The following UHMK1 variants were observed in gnomAD, a reference collection of about 807,000 sequenced individuals.
The protein encoded by UHMK1 is U2AF homology motif kinase 1.
In UHMK1, 18 loss-of-function variants were observed where a neutral mutation model predicts 44.0. The observed-to-expected ratio is 0.41, with a 90% CI of 0.28 to 0.61. UHMK1 has a LOEUF of 0.61. Among genes scored for constraint, UHMK1 ranks in the 20% least tolerant of loss-of-function variants. UHMK1 has a pLI of 0.31. For missense variants in UHMK1, 463 were observed against 522.5 expected (o/e 0.89, Z 1.11); for synonymous variants, 231 against 198.5 (o/e 1.16, Z -1.38).
intron 4 of UHMK1, among the ~76,000 whole-genome samples, chr1:162,506,036 A>G (rs1047694008): frequency 2.6e-5 from 4 of 152,134 alleles, no homozygotes; most frequent in African/African-American, 9.7e-5. Flanking sequence ...ACGCATACTT[A>G]CTTGTGTGTG....
At chr1:162,512,987 T>C in intron 6 of UHMK1, 164 bp downstream of exon 6, 1 of 703,644 alleles carries the variant, frequency 1.4e-6, no homozygotes, top group East Asian at 3.4e-5. Context: ...AGTTTCACTC[T>C]TGTTGCCCAG....
At chr1:162,500,271 T>C (rs770483700) in intron 2 of UHMK1, 24 bp downstream of exon 2, 18 of 1,594,194 alleles carry the variant, frequency 1.1e-5, no homozygotes, top group Non-Finnish European at 1.5e-5. Flanking sequence ...TTTTCTTTTC[T>C]CTCGCAGTTT....
intron 6 of UHMK1, among the ~76,000 whole-genome samples, chr1:162,515,250 A>G (rs569211368): frequency 2.6e-5 from 4 of 152,048 alleles, no homozygotes; most frequent in South Asian, 2.1e-4. Context: ...CTTTATATAT[A>G]TTATTTGAGA....
At chr1:162,519,242 G>C (rs1651956397) in intron 7 of UHMK1, among the ~76,000 whole-genome samples, 1 of 151,700 alleles carries the variant, frequency 6.6e-6, no homozygotes, top group Admixed American at 6.6e-5. Context: ...GCTTGAACTT[G>C]GGAGGCTGAG....
chr1:162,528,619 AC>A lies in UHMK1; in HGVS notation c.*6070del, dbSNP rs1652331765. 1 of 152,092 alleles carries A rather than the reference AC, an allele frequency of 6.6e-6. No homozygotes were observed. Among genetic ancestry groups the A allele is most frequent in the Non-Finnish European group, 1.5e-5 (1 of 67,960 alleles). The allele number at this position is 152,092 out of a possible 1,614,324, so 9.4% of individuals were successfully genotyped here. ...GGTACAGTGGGTGGCATTAGTATGC[AC>A]TAGCTGCAAAGTCACAGCACCTTAT... On this transcript the variant is annotated 3_prime_UTR_variant, in exon 8 of 8. Transcript: ENST00000489294.
At chr1:162,517,984 TA>T in intron 6 of UHMK1, 117 bp from the exon 7 acceptor site, 1 of 639,752 alleles carries the variant, frequency 1.6e-6, no homozygotes, top group Middle Eastern at 4.1e-4. Context: ...ATTCAAGACA[TA>T]AAATGACCTC....
chr1:162,516,045 A>AG (rs1651825959), intron 6 of UHMK1, among the ~76,000 whole-genome samples: 1 of 151,842 alleles, frequency 6.6e-6, no homozygotes, highest in Admixed American at 6.6e-5. Flanking sequence ...AAAAAAAAAA[A>AG]CAACAAAACT....
At position 162,524,521 on chromosome 1, in the gene UHMK1, A is replaced by G. The variant is rs1228247927; in HGVS notation, c.*1971A>G. The G allele has an allele frequency of 6.6e-6, 1 of 152,216 alleles. No individual in the cohort carries two copies. The highest frequency in any genetic ancestry group is 1.5e-5 in the Non-Finnish European group (1 of 68,040). The allele number at this position is 152,216 out of a possible 1,614,324, so 9.4% of individuals were successfully genotyped here. ...AACTTTCCTAAATGTTCATATGGGT[A>G]GCAGATTTTGTGGTGATTAGAAACA... On this transcript the variant is annotated 3_prime_UTR_variant, in exon 8 of 8. Coordinates refer to ENST00000489294, the MANE Select transcript of UHMK1 (RefSeq NM_175866.5).
intron 6 of UHMK1, among the ~76,000 whole-genome samples, chr1:162,514,664 C>G (rs1012347190): frequency 6.6e-6 from 1 of 152,124 alleles, no homozygotes; most frequent in Admixed American, 6.5e-5. Flanking sequence ...AATGCAGTGA[C>G]TAAGTGGATA....
Position 162,499,575 on chromosome 1 carries a change from CT to C in UHMK1, c.269-371del, listed in dbSNP as rs907341326. Among the ~76,000 whole-genome samples, 44 of 151,368 alleles carry C rather than the reference CT, an allele frequency of 2.9e-4. 1 individual carries two copies. The Middle Eastern group carries it at 0.014, about 47-fold the overall frequency. ...TTTGGGTTTTTACTTTTAAAAATTT[CT>C]TTTTTTTTAAAGGACCTCATGATGC... On this transcript the variant is annotated intron_variant, in intron 1 of 7. Coordinates refer to ENST00000489294, the MANE Select transcript of UHMK1 (RefSeq NM_175866.5).
At chr1:162,502,707 G>A (rs1291452819) in intron 3 of UHMK1, among the ~76,000 whole-genome samples, 1 of 152,138 alleles carries the variant, frequency 6.6e-6, no homozygotes, top group South Asian at 2.1e-4. Flanking sequence ...TTCTATGGAG[G>A]CAAAATTGCC....
Position 162,523,493 on chromosome 1 carries a change from C to T in UHMK1, c.*943C>T, listed in dbSNP as rs1157724482. 1 of 152,584 alleles carries T rather than the reference C, an allele frequency of 6.6e-6. No individual in the cohort carries two copies. Among genetic ancestry groups the T allele is most frequent in the Non-Finnish European group, 1.5e-5 (1 of 68,042 alleles). 9.5% of individuals were successfully genotyped at this position (152,584 alleles called of 1,614,324 possible). On this transcript the variant is annotated 3_prime_UTR_variant, in exon 8 of 8. Coordinates refer to ENST00000489294, the MANE Select transcript of UHMK1 (RefSeq NM_175866.5). ...AGTTGTGCCAGATGTAAATCAACCC[C>T]TCTTTTAGTTTACTTTAGACTTTGT...
chr1:162,500,811 G>A, intron 2 of UHMK1, 102 bp from the exon 3 acceptor site: 1 of 1,143,548 alleles, frequency 8.7e-7, no homozygotes, highest in East Asian at 2.6e-5. Flanking sequence ...ATTTAGCTTG[G>A]CAGTGGGTTT....
In UHMK1 at chr1:162,527,702, G is replaced by A. The variant is rs1652298683; in HGVS notation, c.*5152G>A. The A allele has an allele frequency of 6.6e-6, 1 of 152,040 alleles. No homozygotes were observed. The highest frequency in any genetic ancestry group is 6.6e-5 in the Admixed American group (1 of 15,258). The allele number at this position is 152,040 out of a possible 1,614,324, so 9.4% of individuals were successfully genotyped here. ...GTGTTATTTCCCATTAAATTGGGTA[G>A]CTGTCACAATAACCAGAAGAAATCT... On this transcript the variant is annotated 3_prime_UTR_variant, in exon 8 of 8. Coordinates refer to ENST00000489294, the MANE Select transcript of UHMK1 (RefSeq NM_175866.5).
rs1652270195 is a variant in UHMK1, at chr1:162,526,953, A to T, written c.*4403A>T. ...TCACAATTAGCTCAAAAGAATCCCCATTTCTTAAGGTGCTCAGTCAATCAC... is the reference window on the plus strand; with the variant it reads ...TCACAATTAGCTCAAAAGAATCCCCTTTTCTTAAGGTGCTCAGTCAATCAC... On this transcript the variant is annotated 3_prime_UTR_variant, in exon 8 of 8. Coordinates refer to ENST00000489294, the MANE Select transcript of UHMK1 (RefSeq NM_175866.5). 1 of 152,026 alleles carries T rather than the reference A, an allele frequency of 6.6e-6. No individual in the cohort carries two copies. Among genetic ancestry groups the T allele is most frequent in the Non-Finnish European group, 1.5e-5 (1 of 67,934 alleles). The allele number at this position is 152,026 out of a possible 1,614,324, so 9.4% of individuals were successfully genotyped here.
chr1:162,518,770 C>G (rs12041104), intron 7 of UHMK1, among the ~76,000 whole-genome samples: 1 of 151,620 alleles, frequency 6.6e-6, no homozygotes, highest in Non-Finnish European at 1.5e-5. Flanking sequence ...AGGCGGATCA[C>G]GAGATCAGGA....
Position 162,529,362 on chromosome 1 carries a change from T to G in UHMK1, c.*6812T>G, listed in dbSNP as rs1031856060. Reference sequence around the variant, plus strand: ...AAATCCCTAAATTTCTGATTTCCATTCAAGTCTTTTAAACTCTTTCCTGCT... The same window carrying G: ...AAATCCCTAAATTTCTGATTTCCATGCAAGTCTTTTAAACTCTTTCCTGCT... On this transcript the variant is annotated 3_prime_UTR_variant, in exon 8 of 8. Transcript: ENST00000489294. 2.6e-5 allele frequency: 4 copies of G among 152,198 alleles called. No homozygotes were observed. The highest frequency in any genetic ancestry group is 4.8e-5 in the African/African-American group (2 of 41,476). The allele number at this position is 152,198 out of a possible 1,614,324, so 9.4% of individuals were successfully genotyped here. A position where few individuals can be genotyped will look rare whatever the true frequency, so the allele number is the denominator to read the frequency against.
At chr1:162,502,716 C>G (rs1651318458) in intron 3 of UHMK1, among the ~76,000 whole-genome samples, 1 of 152,144 alleles carries the variant, frequency 6.6e-6, no homozygotes, top group African/African-American at 2.4e-5. Flanking sequence ...GGCAAAATTG[C>G]CAACTGATTA....
In UHMK1 at chr1:162,527,645, A is replaced by G. The variant is rs1050156839; in HGVS notation, c.*5095A>G. ...TGTTTGTGGCACTGTAAATGCTGAAATTCATGGGAAACTTACCAAATGACT... is the reference window on the plus strand; with the variant it reads ...TGTTTGTGGCACTGTAAATGCTGAAGTTCATGGGAAACTTACCAAATGACT... On this transcript the variant is annotated 3_prime_UTR_variant, in exon 8 of 8. Coordinates refer to ENST00000489294, the MANE Select transcript of UHMK1 (RefSeq NM_175866.5). 6 of 152,112 alleles carry G rather than the reference A, an allele frequency of 3.9e-5. No homozygotes were observed. The highest frequency in any genetic ancestry group is 1.4e-4 in the African/African-American group (6 of 41,442). The allele number at this position is 152,112 out of a possible 1,614,324, so 9.4% of individuals were successfully genotyped here.
Sources: allele counts gnomAD v4.1 joint callset (sites outside exome capture counted in the v4.1 genomes callset), GRCh38; gene constraint gnomAD v4.1.1; transcripts MANE v1.5; gene names NCBI Gene and HGNC (gene_info 2026-07-23, HGNC 2026-07-21).